Variants in IQGAP1 observed in about 807,000 individuals in gnomAD.
IQGAP1 encodes the protein IQ motif containing GTPase activating protein 1.
A neutral mutation model predicts 215.6 loss-of-function variants in IQGAP1; 66 were observed. That is an observed-to-expected ratio of 0.31 (90% CI 0.25 to 0.38). The LOEUF is 0.38. Among genes scored for constraint, IQGAP1 ranks in the 10% least tolerant of loss-of-function variants. IQGAP1 has a pLI of 1.00. For missense variants in IQGAP1, 1,712 were observed against 1,997.1 expected (o/e 0.86, Z 2.72); for synonymous variants, 772 against 728.7 (o/e 1.06, Z -0.96).
rs780430509 is a variant in IQGAP1, at chr15:90,441,681, CAG to C, written c.826_827del (p.Arg276AspfsTer12). Reference protein sequence around the residue: ...KQDKMTNAKNRTENSERERDV... With the variant: ...KQDKMTNAKNXTENSERERDV... ...AGGACAAAATGACAAATGCTAAAAA[CAG>C]GGTAAAAATGCAACATCTATTCTTT... On this transcript the variant is annotated frameshift_variant and splice_region_variant, in exon 8 of 38. Coordinates refer to ENST00000268182, the MANE Select transcript of IQGAP1 (RefSeq NM_003870.4). LOFTEE classifies it high-confidence loss of function. 2 of 1,598,268 alleles carry C rather than the reference CAG, an allele frequency of 1.3e-6. No individual in the cohort carries two copies. Among genetic ancestry groups the C allele is most frequent in the Non-Finnish European group, 8.5e-7 (1 of 1,170,972 alleles).
intron 14 of IQGAP1, among the ~76,000 whole-genome samples, chr15:90,455,912 A>C (rs1965673125): frequency 6.6e-6 from 1 of 152,226 alleles, no homozygotes; most frequent in Admixed American, 6.5e-5. Flanking sequence ...TTTAAGTTAG[A>C]GCAATTAAAA....
chr15:90,486,004 A>C, intron 30 of IQGAP1, 26 bp from the exon 31 acceptor site: 1 of 1,559,034 alleles, frequency 6.4e-7, no homozygotes, highest in Non-Finnish European at 8.8e-7. Flanking sequence ...GAATGTATAA[A>C]TGGAGTTGAT....
intron 36 of IQGAP1, among the ~76,000 whole-genome samples, chr15:90,496,306 C>CTTTTTTTTTTTTTTTTTTTTTTTTTTT (rs552222380): frequency 8.5e-5 from 9 of 106,118 alleles, no homozygotes; most frequent in African/African-American, 4.0e-4. Context: ...AGCATAATCC[C>CTTTTTTTTTTTTTTTTTTTTTTTTTTT]TTTTTTTTTT....
intron 4 of IQGAP1, 91 bp from the exon 5 acceptor site, chr15:90,433,628 C>T: frequency 1.3e-6 from 1 of 764,758 alleles, no homozygotes; most frequent in Non-Finnish European, 2.2e-6. Context: ...TTCTAACTGT[C>T]CATAGTTTGA....
At position 90,500,045 on chromosome 15, in the gene IQGAP1, T is replaced by C; in HGVS notation, c.4911T>C (p.Asp1637=). The part of the protein sequence containing the change: ...YEGVAVMKLF[D]RAKVNVNLLI... ...GAGTTGCAGTCATGAAATTATTTGA[T>C]AGAGCTAAAGTAAATGTCAACCTCC... Residue 1637 remains aspartate, a synonymous_variant, in exon 38 of 38, where the codon GAT becomes GAC. Coordinates refer to ENST00000268182, the MANE Select transcript of IQGAP1 (RefSeq NM_003870.4). The C allele has an allele frequency of 1.9e-6, 3 of 1,613,260 alleles. No homozygotes were observed. The highest frequency in any genetic ancestry group is 2.5e-6 in the Non-Finnish European group (3 of 1,179,178).
intron 4 of IQGAP1, chr15:90,431,309 A>T (rs1228746365): frequency 6.6e-6 from 1 of 151,990 alleles, no homozygotes; most frequent in African/African-American, 2.4e-5. Flanking sequence ...TCAAGTTCTT[A>T]CAGCTACGTG....
chr15:90,484,601 T>C (rs1966100815), intron 30 of IQGAP1, among the ~76,000 whole-genome samples: 1 of 152,094 alleles, frequency 6.6e-6, no homozygotes, highest in Non-Finnish European at 1.5e-5. Context: ...CTCCACCTCC[T>C]GGGTTCACAC....
At chr15:90,407,452 C>T (rs955246300) in intron 2 of IQGAP1, among the ~76,000 whole-genome samples, 4 of 151,970 alleles carry the variant, frequency 2.6e-5, no homozygotes, top group Non-Finnish European at 5.9e-5. Flanking sequence ...AGATGTGGTG[C>T]CAGGGGAACA....
At chr15:90,477,610 C>T in intron 25 of IQGAP1, 55 bp from the exon 26 acceptor site, 1 of 1,264,344 alleles carries the variant, frequency 7.9e-7, no homozygotes, top group Non-Finnish European at 1.2e-6. Flanking sequence ...CAGGAAGGAT[C>T]TTTTAAGTTG....
At chr15:90,397,555 C>T (rs1057325300) in intron 2 of IQGAP1, among the ~76,000 whole-genome samples, 12 of 127,744 alleles carry the variant, frequency 9.4e-5, no homozygotes, top group Non-Finnish European at 1.6e-4. Context: ...CTTGCTCTGT[C>T]GCCCAGGCTG....
intron 5 of IQGAP1, among the ~76,000 whole-genome samples, chr15:90,435,519 C>T (rs982110607): frequency 9.2e-5 from 14 of 152,282 alleles, no homozygotes; most frequent in African/African-American, 3.1e-4. Flanking sequence ...TGTCTGAGTC[C>T]AGATCAGATT....
chr15:90,495,292 C>T (rs998192479), intron 36 of IQGAP1, among the ~76,000 whole-genome samples: 1 of 152,116 alleles, frequency 6.6e-6, no homozygotes, highest in Non-Finnish European at 1.5e-5. Flanking sequence ...CTGGGCCCAG[C>T]GTCATTAGCA....
In IQGAP1 at chr15:90,426,895, G is replaced by A. The variant is rs534612417; in HGVS notation, c.312+629G>A. On this transcript the variant is annotated intron_variant, in intron 3 of 37. Coordinates refer to ENST00000268182, the MANE Select transcript of IQGAP1 (RefSeq NM_003870.4). ...TTGAACCCGGGAGGCAGAGGTTGCA[G>A]TGAGCCGAGATCATGACACTGCACT... Among the ~76,000 whole-genome samples, 3 of 150,652 alleles carry A rather than the reference G, an allele frequency of 2.0e-5. No individual in the cohort carries two copies. The South Asian group carries it at 6.3e-4, about 32-fold the overall frequency.
chr15:90,499,910 C>T, intron 37 of IQGAP1, 85 bp from the exon 38 acceptor site: 1 of 879,302 alleles, frequency 1.1e-6, no homozygotes, highest in African/African-American at 1.7e-5. Flanking sequence ...TGGATCCCTC[C>T]CTACATTGTG....
At chr15:90,428,809 A>T (rs1365712402) in intron 3 of IQGAP1, among the ~76,000 whole-genome samples, 1 of 152,072 alleles carries the variant, frequency 6.6e-6, no homozygotes, top group African/African-American at 2.4e-5. Flanking sequence ...AAAAAAGCAG[A>T]CATTGAAGTT....
Position 90,454,560 on chromosome 15 carries a change from AT to A in IQGAP1, c.1612+9del. On this transcript the variant is annotated intron_variant, in intron 14 of 37. Coordinates refer to ENST00000268182, the MANE Select transcript of IQGAP1 (RefSeq NM_003870.4). ...TGCAAGAGGAACATGAGAGTGAGTT[AT>A]CTTCCTGTCCTCCCCAAATAATGTC... The A allele has an allele frequency of 6.5e-7, 1 of 1,549,554 alleles. No individual in the cohort carries two copies.
At position 90,487,540 on chromosome 15, in the gene IQGAP1, G is replaced by C; in HGVS notation, c.4206G>C (p.Glu1402Asp). Residue 1402 changes from glutamate (E) to aspartate (D), a missense_variant, in exon 33 of 38, where the codon GAG becomes GAC. Physicochemically the swap from Glu to Asp is conservative, Grantham distance 45. Coordinates refer to ENST00000268182, the MANE Select transcript of IQGAP1 (RefSeq NM_003870.4). ...IVDVIRFQPG[E>D]TLTEILETPA... is the part of the protein sequence containing the mutation. ...ATGTCATCCGGTTCCAGCCAGGAGA[G>C]ACCTTGACTGAAATCCTAGAAACAC... The C allele has an allele frequency of 1.2e-6, 2 of 1,614,096 alleles. No individual in the cohort carries two copies. Among genetic ancestry groups the C allele is most frequent in the Non-Finnish European group, 1.7e-6 (2 of 1,179,964 alleles).
rs765001313 is a variant in IQGAP1 at position 90,466,303 on chromosome 15, A to G, written c.1902A>G (p.Val634=). Reference sequence around the variant, plus strand: ...GAATCTTTGCCATTAATGAGGCAGTAGAAAGTGGTGATGTTGGCAAAACAC... The same window carrying G: ...GAATCTTTGCCATTAATGAGGCAGTGGAAAGTGGTGATGTTGGCAAAACAC... ...ALGIFAINEA[V]ESGDVGKTLS... is the part of the protein sequence containing the mutation. The change falls in exon 17 of 38, where the codon GTA becomes GTG. Residue 634 remains valine, a synonymous_variant. Coordinates refer to ENST00000268182, the MANE Select transcript of IQGAP1 (RefSeq NM_003870.4). 8.7e-6 allele frequency: 14 copies of G among 1,614,064 alleles called. No homozygotes were observed. In the South Asian group the frequency reaches 1.3e-4, roughly 15 times the overall value.
At chr15:90,397,374 C>T (rs576807504) in intron 2 of IQGAP1, among the ~76,000 whole-genome samples, 1 of 152,154 alleles carries the variant, frequency 6.6e-6, no homozygotes, top group South Asian at 2.1e-4. Context: ...AGTTCTGATT[C>T]TGGTTTTGCA....
Sources: allele counts gnomAD v4.1 joint callset (sites outside exome capture counted in the v4.1 genomes callset), GRCh38; gene constraint gnomAD v4.1.1; transcripts MANE v1.5; gene names NCBI Gene and HGNC (gene_info 2026-07-23, HGNC 2026-07-21).